AK9: variants seen among roughly 807,000 people sequenced by gnomAD.
AK9 encodes the protein adenylate kinase domain containing 1.
A neutral mutation model predicts 239.6 loss-of-function variants in AK9; 191 were observed. The ratio of observed to expected loss-of-function variants is 0.80; its 90% CI spans 0.71 to 0.90. AK9 has a LOEUF of 0.90. Ranked by LOEUF, AK9 falls within the 40% of genes least tolerant of loss-of-function variation. AK9 has a pLI of 0.00. For synonymous variants in AK9, 689 were observed against 721.0 expected (o/e 0.96, Z 0.71); for missense variants, 1,995 against 2,214.7 (o/e 0.90, Z 1.99).
chr6:109,637,030 A>T (rs1243089243), intron 10 of AK9, among the ~76,000 whole-genome samples: 1 of 152,176 alleles, frequency 6.6e-6, no homozygotes, highest in Admixed American at 6.5e-5. Flanking sequence ...ACAATGCAAG[A>T]GGGTTCTCAT....
intron 17 of AK9, among the ~76,000 whole-genome samples, chr6:109,599,337 T>C (rs1365431201): frequency 1.3e-5 from 2 of 152,208 alleles, no homozygotes; most frequent in Admixed American, 1.3e-4. Context: ...AGGGAATCCT[T>C]TCCCCATTTC....
At chr6:109,547,131 A>C (rs948251111) in intron 25 of AK9, among the ~76,000 whole-genome samples, 6 of 152,186 alleles carry the variant, frequency 3.9e-5, no homozygotes, top group Admixed American at 2.0e-4. Context: ...CCCCAACACC[A>C]GTGGATTGGG....
chr6:109,493,825 T>G (rs1346973493), intron 40 of AK9, among the ~76,000 whole-genome samples, 156 bp downstream of exon 40: 1 of 152,220 alleles, frequency 6.6e-6, no homozygotes, highest in Admixed American at 6.5e-5. Context: ...ACTTTGACAT[T>G]TTATTTAAAA....
chr6:109,664,354 G>T (rs1417395269), intron 5 of AK9, among the ~76,000 whole-genome samples: 1 of 152,136 alleles, frequency 6.6e-6, no homozygotes, highest in Non-Finnish European at 1.5e-5. Flanking sequence ...ACGAGTGAAT[G>T]AATGTGTGTA....
intron 17 of AK9, among the ~76,000 whole-genome samples, chr6:109,598,910 T>C (rs1791483139): frequency 6.6e-6 from 1 of 151,264 alleles, no homozygotes. Flanking sequence ...TGCCCACTTG[T>C]TGATGGGGTT....
chr6:109,615,168 TC>T (rs1374672495), intron 13 of AK9, among the ~76,000 whole-genome samples: 2 of 152,012 alleles, frequency 1.3e-5, no homozygotes, highest in African/African-American at 4.8e-5. Context: ...GGAGAGGTCT[TC>T]CCTGGGCATC....
chr6:109,517,879 C>T (rs1321206), intron 29 of AK9, among the ~76,000 whole-genome samples: 31,591 of 151,984 alleles, frequency 0.21, 3,472 homozygotes, highest in South Asian at 0.33. Context: ...GCCTCCACAC[C>T]GTTCTCCCTG....
chr6:109,528,181 G>C (rs1371837968), intron 29 of AK9: 3 of 282,706 alleles, frequency 1.1e-5, no homozygotes, highest in Non-Finnish European at 2.1e-5. Flanking sequence ...CATTTGAAGT[G>C]ATTCAGAAGG....
chr6:109,539,391 G>A (rs1046050262), intron 27 of AK9, among the ~76,000 whole-genome samples: 12 of 152,138 alleles, frequency 7.9e-5, no homozygotes, highest in African/African-American at 2.2e-4. Flanking sequence ...CCAGTTGATC[G>A]AATTGGCTAC....
intron 22 of AK9, 99 bp from the exon 23 acceptor site, chr6:109,564,379 A>T: frequency 2.4e-6 from 2 of 833,448 alleles, no homozygotes; most frequent in Non-Finnish European, 3.6e-6. Context: ...TTTTTTAAAC[A>T]GTTAAAAAAA....
chr6:109,640,711 C>T lies in AK9; in HGVS notation c.933+807G>A, dbSNP rs143258670. Among the ~76,000 whole-genome samples the T allele has an allele frequency of 4.2e-3, 645 of 151,866 alleles. 6 individuals carry two copies. The highest frequency in any genetic ancestry group is 0.034 in the Middle Eastern group (10 of 294). ...GGATACTGTGCCCAGTCCTGGTATG[C>T]GTTTTTTAAAAATAATTTCTACTCA... On this transcript the variant is annotated intron_variant, in intron 10 of 40. Transcript: ENST00000424296.
intron 29 of AK9, among the ~76,000 whole-genome samples, chr6:109,523,160 T>G (rs1397410523): frequency 6.6e-6 from 1 of 152,176 alleles, no homozygotes; most frequent in Non-Finnish European, 1.5e-5. Flanking sequence ...TTTTCTTACT[T>G]TGCTTTGGCT....
chr6:109,565,128 C>T (rs547037693), intron 21 of AK9, among the ~76,000 whole-genome samples: 1 of 152,248 alleles, frequency 6.6e-6, no homozygotes, highest in South Asian at 2.1e-4. Context: ...AATCAAACTT[C>T]TTTTAATTTG....
At chr6:109,638,391 G>C (rs925874421) in intron 10 of AK9, among the ~76,000 whole-genome samples, 2 of 152,162 alleles carry the variant, frequency 1.3e-5, no homozygotes, top group African/African-American at 2.4e-5. Flanking sequence ...ATCTTGTTAT[G>C]ATACAGGATA....
rs141240206 is a variant in AK9 at position 109,620,462 on chromosome 6, G to A, written c.1255-1226C>T. Among the ~76,000 whole-genome samples the A allele has an allele frequency of 5.6e-3, 854 of 152,088 alleles. 9 individuals are homozygous for A. The highest frequency in any genetic ancestry group is 0.02 in the African/African-American group (824 of 41,484). On this transcript the variant is annotated intron_variant, in intron 12 of 40. Transcript: ENST00000424296. ...TTTTTTCTCTTTAAGCATATGTTCAGCTTTTGCCTAAAATTGTGTTAGAAT... is the reference window on the plus strand; with the variant it reads ...TTTTTTCTCTTTAAGCATATGTTCAACTTTTGCCTAAAATTGTGTTAGAAT...
intron 8 of AK9, among the ~76,000 whole-genome samples, chr6:109,650,006 T>C (rs1038290615): frequency 6.6e-6 from 1 of 152,178 alleles, no homozygotes; most frequent in Non-Finnish European, 1.5e-5. Flanking sequence ...ATTTAATAAA[T>C]GGTGCTGGGA....
chr6:109,627,476 C>G (rs536477744), intron 12 of AK9, among the ~76,000 whole-genome samples: 5 of 152,250 alleles, frequency 3.3e-5, no homozygotes, highest in Admixed American at 1.3e-4. Flanking sequence ...TGCTTTTATA[C>G]ATCTGGCAGC....
intron 25 of AK9, among the ~76,000 whole-genome samples, chr6:109,549,264 C>T (rs1784003556): frequency 1.3e-5 from 2 of 152,192 alleles, no homozygotes; most frequent in Admixed American, 6.5e-5. Flanking sequence ...CCCTCACTCT[C>T]GAAACTCAAC....
chr6:109,612,989 T>G (rs949139190), intron 15 of AK9, among the ~76,000 whole-genome samples: 11 of 148,640 alleles, frequency 7.4e-5, no homozygotes, highest in African/African-American at 2.7e-4. Flanking sequence ...CTTCCTCTCA[T>G]TTATATAATT....
Sources: gnomAD v4.1 joint callset for allele counts (sites outside exome capture counted in the v4.1 genomes callset) on GRCh38, gnomAD v4.1.1 for gene constraint, MANE v1.5 for transcripts, NCBI Gene and HGNC (gene_info 2026-07-23, HGNC 2026-07-21) for gene names.